The following DOCK2 variants were observed in gnomAD, a reference collection of about 807,000 sequenced individuals.
DOCK2 encodes the protein dedicator of cytokinesis 2, also known as dedicator of cytokinesis protein 2.
In DOCK2, 87 loss-of-function variants were observed where a neutral mutation model predicts 248.9. That is an observed-to-expected ratio of 0.35 (90% confidence interval 0.29 to 0.42). The LOEUF is 0.42. DOCK2 is among the 10% of genes least tolerant of loss of function. The pLI, the probability that DOCK2 is intolerant of heterozygous loss-of-function variation, is 1.00. For missense variants in DOCK2, 1,747 were observed against 2,300.2 expected (o/e 0.76, Z 4.92); for synonymous variants, 805 against 821.6 (o/e 0.98, Z 0.35).
Position 170,022,765 on chromosome 5 carries a change from C to G in DOCK2, c.3381+3657C>G, listed in dbSNP as rs547144985. 2.6e-5 allele frequency among the ~76,000 whole-genome samples: 4 copies of G among 152,292 alleles called. No homozygotes were observed. The South Asian group carries it at 8.3e-4, about 32-fold the overall frequency. ...TGTGTTCCACAGCAGACTGTGAGCT[C>G]TTGAGGGCCAAAGCTGGTCTCTCAG... On this transcript the variant is annotated intron_variant, in intron 33 of 51. Coordinates refer to ENST00000520908, the MANE Select transcript of DOCK2 (RefSeq NM_004946.3).
chr5:169,819,037 G>A (rs1280330993), intron 26 of DOCK2, among the ~76,000 whole-genome samples: 3 of 152,172 alleles, frequency 2.0e-5, no homozygotes, highest in Non-Finnish European at 1.5e-5. Context: ...AAATGTATTA[G>A]TAGAAATGCC....
intron 46 of DOCK2, among the ~76,000 whole-genome samples, chr5:170,072,693 T>C (rs1033687380): frequency 1.3e-5 from 2 of 152,242 alleles, no homozygotes; most frequent in Non-Finnish European, 2.9e-5. Flanking sequence ...ACTGGGAGTC[T>C]TTTTTAATTC....
chr5:169,659,222 A>C (rs13362388), intron 2 of DOCK2, among the ~76,000 whole-genome samples: 3,490 of 152,116 alleles, frequency 0.023, 148 homozygotes, highest in African/African-American at 0.078. Context: ...TTTGAATTAG[A>C]AAGTTATTCC....
intron 7 of DOCK2, 69 bp downstream of exon 7, chr5:169,681,948 G>A: frequency 6.3e-7 from 1 of 1,580,718 alleles, no homozygotes; most frequent in Non-Finnish European, 8.6e-7. Flanking sequence ...TTAAAATAAT[G>A]GGCTAATGAA....
At chr5:169,836,965 G>C (rs550502520) in intron 26 of DOCK2, among the ~76,000 whole-genome samples, 1 of 152,250 alleles carries the variant, frequency 6.6e-6, no homozygotes, top group East Asian at 1.9e-4. Context: ...GAGATCAGTA[G>C]TTTTGCACTG....
Position 169,938,368 on chromosome 5 carries a change from G to T in DOCK2, c.2800-44700G>T, listed in dbSNP as rs985937338. ...TTTCTCATTGTGTGAACATCAGAGT[G>T]TACTCACACGAAGCTAGATGAGAGC... On this transcript the variant is annotated intron_variant, in intron 27 of 51. Transcript: ENST00000520908. Among the ~76,000 whole-genome samples the T allele has an allele frequency of 6.6e-5, 10 of 152,190 alleles. 1 individual carries two copies. In the East Asian group the frequency reaches 1.9e-3, roughly 29 times the overall value.
intron 1 of DOCK2, among the ~76,000 whole-genome samples, chr5:169,650,160 C>G (rs1757719313): frequency 6.6e-6 from 1 of 152,162 alleles, no homozygotes; most frequent in South Asian, 2.1e-4. Flanking sequence ...CAATATCTAG[C>G]ACCCAGTAGG....
intron 32 of DOCK2, among the ~76,000 whole-genome samples, chr5:170,010,785 C>A (rs1250075403): frequency 6.6e-6 from 1 of 152,220 alleles, no homozygotes; most frequent in Non-Finnish European, 1.5e-5. Flanking sequence ...TGGCGGGCTT[C>A]CTTCCCCAGC....
intron 25 of DOCK2, among the ~76,000 whole-genome samples, chr5:169,767,010 C>T (rs960038759): frequency 3.3e-5 from 5 of 152,222 alleles, no homozygotes; most frequent in Non-Finnish European, 7.3e-5. Context: ...CCTGCCTCAG[C>T]CTCCCAAAGT....
chr5:169,839,077 G>A (rs553919592), intron 26 of DOCK2, among the ~76,000 whole-genome samples: 2 of 152,076 alleles, frequency 1.3e-5, no homozygotes, highest in Non-Finnish European at 1.5e-5. Flanking sequence ...AATGAGCATG[G>A]GTGGTCATCC....
chr5:169,746,718 C>T (rs1763635798), intron 22 of DOCK2, among the ~76,000 whole-genome samples: 1 of 152,168 alleles, frequency 6.6e-6, no homozygotes, highest in South Asian at 2.1e-4. Flanking sequence ...TGCAATTTTA[C>T]ACTTGTATAT....
intron 27 of DOCK2, among the ~76,000 whole-genome samples, chr5:169,960,714 T>C (rs549151067): frequency 6.6e-6 from 1 of 152,308 alleles, no homozygotes; most frequent in South Asian, 2.1e-4. Flanking sequence ...GGTTTTACTT[T>C]CCATGGTTTG....
intron 26 of DOCK2, among the ~76,000 whole-genome samples, chr5:169,804,491 C>CGT (rs1306856665): frequency 1.4e-5 from 1 of 71,780 alleles, no homozygotes; most frequent in Non-Finnish European, 3.9e-5. Context: ...TGTGTGCGCG[C>CGT]GCGCGTGCGC....
chr5:169,723,130 CT>C (rs1762296778), intron 22 of DOCK2, among the ~76,000 whole-genome samples: 1 of 152,164 alleles, frequency 6.6e-6, no homozygotes, highest in Non-Finnish European at 1.5e-5. Context: ...TATTACAGAC[CT>C]GCTTATTTGG....
chr5:170,036,175 A>T (rs148880403), intron 35 of DOCK2, among the ~76,000 whole-genome samples: 2 of 151,708 alleles, frequency 1.3e-5, no homozygotes, highest in African/African-American at 4.8e-5. Context: ...CTGCCTTTCA[A>T]TGTGGGCCTG....
intron 27 of DOCK2, among the ~76,000 whole-genome samples, chr5:169,907,378 T>A (rs953258080): frequency 6.6e-6 from 1 of 152,224 alleles, no homozygotes; most frequent in Non-Finnish European, 1.5e-5. Flanking sequence ...CTCTGGCCAG[T>A]TCTAGTCTAG....
chr5:169,674,647 G>A (rs562031933), intron 6 of DOCK2, among the ~76,000 whole-genome samples: 19 of 152,302 alleles, frequency 1.2e-4, no homozygotes, highest in African/African-American at 4.6e-4. Flanking sequence ...GAGAAGGCTT[G>A]TACTTAACAT....
chr5:169,805,925 G>A (rs1019190926), intron 26 of DOCK2, among the ~76,000 whole-genome samples: 2 of 152,114 alleles, frequency 1.3e-5, no homozygotes, highest in South Asian at 2.1e-4. Context: ...CCCTTTCTCC[G>A]GGTGAGCAAC....
chr5:170,082,845 C>T lies in DOCK2; in HGVS notation c.5480C>T (p.Ser1827Phe), dbSNP rs757737546. The T allele has an allele frequency of 2.5e-6, 4 of 1,614,104 alleles. No individual in the cohort carries two copies. Among genetic ancestry groups the T allele is most frequent in the African/African-American group, 2.7e-5 (2 of 74,944 alleles). Residue 1827 changes from serine (S) to phenylalanine (F), a missense_variant, in exon 52 of 52, where the codon TCC becomes TTC. Transcript: ENST00000520908. ...EEGKQIPDSL[S>F]TDL ...GGCAAACAGATCCCAGACTCGCTGT[C>T]CACGGACCTGTGAGCTGCTGCTGAC...
Sources: gnomAD v4.1 joint callset for allele counts (sites outside exome capture counted in the v4.1 genomes callset) on GRCh38, gnomAD v4.1.1 for gene constraint, MANE v1.5 for transcripts, NCBI Gene and HGNC (gene_info 2026-07-23, HGNC 2026-07-21) for gene names.